TRPS1: variants seen among roughly 807,000 people sequenced by gnomAD.
TRPS1 encodes the protein zinc finger transcription factor Trps1.
Under a neutral mutation model 101.2 loss-of-function variants are expected in TRPS1, and 6 were observed. The ratio of observed to expected loss-of-function variants is 0.06; its 90% CI spans 0.03 to 0.12. The LOEUF (loss-of-function observed/expected upper bound fraction) is 0.12. Ranked by LOEUF, TRPS1 falls within the 10% of genes least tolerant of loss-of-function variation. The probability of loss-of-function intolerance (pLI) is 1.00; values close to 1 mark genes in which losing one functional copy is unlikely to be tolerated. For missense variants in TRPS1, 1,363 were observed against 1,567.0 expected (o/e 0.87, Z 2.20); for synonymous variants, 578 against 589.8 (o/e 0.98, Z 0.29).
chr8:115,476,689 T>C (rs181325660), intron 5 of TRPS1, among the ~76,000 whole-genome samples: 2 of 152,328 alleles, frequency 1.3e-5, no homozygotes, highest in African/African-American at 2.4e-5. Flanking sequence ...TTGGTTTATA[T>C]AGACTTTGCA....
chr8:115,625,102 G>A (rs879792308), intron 1 of TRPS1, among the ~76,000 whole-genome samples: 1 of 151,784 alleles, frequency 6.6e-6, no homozygotes, highest in Non-Finnish European at 1.5e-5. Context: ...CTCAACACAG[G>A]TGAACTAAAA....
intron 5 of TRPS1, among the ~76,000 whole-genome samples, chr8:115,530,984 A>C (rs192094719): frequency 0.016 from 2,417 of 152,202 alleles, 50 homozygotes; most frequent in African/African-American, 0.055. Flanking sequence ...AATGTAAATG[A>C]CGAGTTAATG....
chr8:115,543,379 A>T (rs184118963), intron 5 of TRPS1, among the ~76,000 whole-genome samples: 119 of 152,294 alleles, frequency 7.8e-4, no homozygotes, highest in African/African-American at 2.7e-3. Flanking sequence ...CTCTTTCAAG[A>T]TTAGCAATGA....
intron 5 of TRPS1, among the ~76,000 whole-genome samples, chr8:115,419,215 T>C (rs1812993764): frequency 6.6e-6 from 1 of 152,110 alleles, no homozygotes; most frequent in African/African-American, 2.4e-5. Flanking sequence ...AATCAACAGG[T>C]TAAAAATAAC....
Position 115,620,038 on chromosome 8 carries a change from G to A in TRPS1, c.60C>T (p.Pro20=). ...CTTCACTTGCAACGTTTCTCAGAGG[G>A]GGGTTCTTTTTCCGGACCATATCTG... ...DFTNMVRKKN[P]PLRNVASEGE... The change falls in exon 3 of 7, where the codon CCC becomes CCT. Residue 20 remains proline, a synonymous_variant. Transcript: ENST00000395715. The A allele has an allele frequency of 6.2e-7, 1 of 1,614,138 alleles. No homozygotes were observed. The highest frequency in any genetic ancestry group is 8.5e-7 in the Non-Finnish European group (1 of 1,180,040).
chr8:115,586,852 C>T, intron 5 of TRPS1, 149 bp downstream of exon 5: 4 of 1,348,146 alleles, frequency 3.0e-6, no homozygotes, highest in Non-Finnish European at 4.1e-6. Flanking sequence ...TTACTTGCTG[C>T]CACTTTGGCC....
chr8:115,580,550 T>C (rs1002331303), intron 5 of TRPS1, among the ~76,000 whole-genome samples: 1 of 152,090 alleles, frequency 6.6e-6, no homozygotes, highest in Non-Finnish European at 1.5e-5. Context: ...CCCTGTTATG[T>C]CCTGACTCAT....
At chr8:115,580,994 A>T (rs1563619481) in intron 5 of TRPS1, among the ~76,000 whole-genome samples, 1 of 152,190 alleles carries the variant, frequency 6.6e-6, no homozygotes, top group African/African-American at 2.4e-5. Context: ...ATACGGAATC[A>T]GCCTAGGTGT....
At chr8:115,472,030 C>A (rs2130019353) in intron 5 of TRPS1, among the ~76,000 whole-genome samples, 1 of 152,302 alleles carries the variant, frequency 6.6e-6, no homozygotes, top group South Asian at 2.1e-4. Flanking sequence ...GTCAGTGGAT[C>A]TACCATTCTG....
chr8:115,499,152 A>C (rs976494247), intron 5 of TRPS1, among the ~76,000 whole-genome samples: 1 of 152,182 alleles, frequency 6.6e-6, no homozygotes, highest in Non-Finnish European at 1.5e-5. Context: ...ACTTTCCAAC[A>C]ATGATTATGT....
chr8:115,408,991 T>C lies in TRPS1; in HGVS notation c.*5032A>G, dbSNP rs1436157647. The stretch of plus-strand genomic sequence containing the variant: ...ATAGTCAACACTATTGGCTGCCTAG[T>C]TGATATTTACAGCTCGTCTTTAAGA... On this transcript the variant is annotated 3_prime_UTR_variant, in exon 7 of 7. Transcript: ENST00000395715. The C allele has an allele frequency of 1.3e-5, 2 of 152,234 alleles. No homozygotes were observed. The highest frequency in any genetic ancestry group is 4.8e-5 in the African/African-American group (2 of 41,342). 9.4% of individuals were successfully genotyped at this position (152,234 alleles called of 1,614,324 possible).
intron 5 of TRPS1, among the ~76,000 whole-genome samples, chr8:115,502,469 C>T (rs971931496): frequency 6.6e-6 from 1 of 152,130 alleles, no homozygotes; most frequent in African/African-American, 2.4e-5. Context: ...GCTACCAGTA[C>T]AGAAATGTGG....
intron 5 of TRPS1, among the ~76,000 whole-genome samples, chr8:115,556,547 T>C (rs984272886): frequency 1.3e-5 from 2 of 152,328 alleles, no homozygotes; most frequent in South Asian, 2.1e-4. Flanking sequence ...ACTGCTACCA[T>C]ATCTGTCTAA....
chr8:115,426,873 T>C (rs1030520196), intron 5 of TRPS1, among the ~76,000 whole-genome samples: 1 of 152,176 alleles, frequency 6.6e-6, no homozygotes, highest in Admixed American at 6.5e-5. Context: ...ATTACTCTCC[T>C]TTTATTGATG....
intron 5 of TRPS1, among the ~76,000 whole-genome samples, chr8:115,498,576 TA>T (rs1390500528): frequency 6.6e-6 from 1 of 151,574 alleles, no homozygotes; most frequent in Non-Finnish European, 1.5e-5. Context: ...ATATGGAAAC[TA>T]ATAAGCCAGA....
chr8:115,665,540 G>A (rs1306743234), intron 1 of TRPS1, among the ~76,000 whole-genome samples: 1 of 152,174 alleles, frequency 6.6e-6, no homozygotes, highest in African/African-American at 2.4e-5. Context: ...CTCAGGAGTG[G>A]TAGGTGACTT....
chr8:115,611,046 G>C (rs1050892375), intron 3 of TRPS1, among the ~76,000 whole-genome samples: 1 of 151,662 alleles, frequency 6.6e-6, no homozygotes. Flanking sequence ...GAGCCTGGGG[G>C]GCGGAGGTTG....
chr8:115,485,748 C>T (rs892947752), intron 5 of TRPS1, among the ~76,000 whole-genome samples: 1 of 152,176 alleles, frequency 6.6e-6, no homozygotes, highest in South Asian at 2.1e-4. Context: ...AAGTTACAAT[C>T]TGAGTCATCA....
chr8:115,580,249 T>A (rs116592020), intron 5 of TRPS1, among the ~76,000 whole-genome samples: 19,970 of 130,642 alleles, frequency 0.15, 1,791 homozygotes, highest in East Asian at 0.3. Flanking sequence ...AAAAAAAATA[T>A]ATATATATAT....
Sources: allele counts gnomAD v4.1 joint callset (sites outside exome capture counted in the v4.1 genomes callset), GRCh38; gene constraint gnomAD v4.1.1; transcripts MANE v1.5; gene names NCBI Gene and HGNC (gene_info 2026-07-23, HGNC 2026-07-21).